Variants in PAK1 observed in about 807,000 individuals in gnomAD.
PAK1 encodes the protein p21 (RAC1) activated kinase 1.
In PAK1, 29 loss-of-function variants were observed where a neutral mutation model predicts 67.4. The observed-to-expected ratio is 0.43, with a 90% CI of 0.32 to 0.59. The LOEUF is 0.59. Ranked by LOEUF, PAK1 falls within the 20% of genes least tolerant of loss-of-function variation. PAK1 has a pLI of 0.07. For missense variants in PAK1, 337 were observed against 670.7 expected (o/e 0.50, Z 5.50); for synonymous variants, 223 against 237.4 (o/e 0.94, Z 0.56).
At chr11:77,478,731 G>A (rs1040337794), upstream of PAK1, among the ~76,000 whole-genome samples, 3 of 151,676 alleles carry the variant, frequency 2.0e-5, no homozygotes, top group African/African-American at 7.3e-5. Flanking sequence ...AGTGAGCTGA[G>A]ATCAGGCCAC....
chr11:77,410,868 T>G, intron 1 of PAK1, among the ~76,000 whole-genome samples: 1 of 151,936 alleles, frequency 6.6e-6, no homozygotes, highest in East Asian at 1.9e-4. Flanking sequence ...AGGAAAGAAT[T>G]ATAGTGATTA....
chr11:77,385,855 C>CA (rs888889360), intron 2 of PAK1, among the ~76,000 whole-genome samples: 104 of 144,894 alleles, frequency 7.2e-4, no homozygotes, highest in South Asian at 2.2e-3. Flanking sequence ...GTGACTGTCT[C>CA]AAAAAAAAAA....
rs536847127 is a variant in PAK1 at position 77,327,004 on chromosome 11, C to T, written c.1552-3644G>A. ...TGACGAATGCAGAAGCCTCAGGAGC[C>T]GATGCGATCAACTGGAAGAAAGGGT... On this transcript the variant is annotated intron_variant, in intron 14 of 14. Transcript: ENST00000356341. Among the ~76,000 whole-genome samples, 317 of 152,040 alleles carry T rather than the reference C, an allele frequency of 2.1e-3. 2 individuals are homozygous for T. The highest frequency in any genetic ancestry group is 7.0e-3 in the African/African-American group (290 of 41,436).
In PAK1 at chr11:77,325,083, C is replaced by A. The variant is rs541488596; in HGVS notation, c.1552-1723G>T. ...CATGGTTTTCAATATTTACAATGTA[C>A]ACCAACAAGTTAAAAAGCCAGCTTT... On this transcript the variant is annotated intron_variant, in intron 14 of 14. Coordinates refer to ENST00000356341, the MANE Select transcript of PAK1 (RefSeq NM_002576.5). Among the ~76,000 whole-genome samples the A allele has an allele frequency of 2.0e-5, 3 of 152,300 alleles. No homozygotes were observed. In the East Asian group the frequency reaches 5.8e-4, roughly 29 times the overall value.
At chr11:77,414,995 T>C (rs1418276848) in intron 1 of PAK1, among the ~76,000 whole-genome samples, 1 of 152,118 alleles carries the variant, frequency 6.6e-6, no homozygotes, top group Non-Finnish European at 1.5e-5. Flanking sequence ...AAAAGGCTTG[T>C]ATCAAAATAT....
chr11:77,447,776 T>C (rs1177590025), intron 1 of PAK1, among the ~76,000 whole-genome samples: 1 of 152,192 alleles, frequency 6.6e-6, no homozygotes, highest in Non-Finnish European at 1.5e-5. Context: ...TCCGCCCACC[T>C]CAGCCTCCCA....
At chr11:77,364,977 G>A (rs967727420) in intron 5 of PAK1, among the ~76,000 whole-genome samples, 4 of 152,056 alleles carry the variant, frequency 2.6e-5, no homozygotes, top group South Asian at 2.1e-4. Flanking sequence ...GGTGGGGAGC[G>A]GTGGCTCACA....
Position 77,336,281 on chromosome 11 carries a change from A to C in PAK1, c.1218T>G (p.Thr406=), listed in dbSNP as rs1942668326. The change falls in exon 13 of 15, where the codon ACT becomes ACG. Residue 406 remains threonine, a splice_region_variant and synonymous_variant. Coordinates refer to ENST00000356341, the MANE Select transcript of PAK1 (RefSeq NM_002576.5). ...TTATCTGTGCACAGAATCCAAAGTC[A>C]GCTAGAAAAGAAAAATAAGAGAAAG... ...LLGMDGSVKL[T]DFGFCAQITP... is the part of the protein sequence containing the mutation. 1.3e-6 allele frequency: 2 copies of C among 1,596,798 alleles called. No homozygotes were observed. Among genetic ancestry groups the C allele is most frequent in the Non-Finnish European group, 1.7e-6 (2 of 1,166,434 alleles).
At position 77,322,054 on chromosome 11, in the gene PAK1, T is replaced by C; in HGVS notation, c.*1220A>G. 4.7e-6 allele frequency: 1 copy of C among 212,266 alleles called. No homozygotes were observed. The highest frequency in any genetic ancestry group is 9.6e-6 in the Non-Finnish European group (1 of 104,510). 13.1% of individuals were successfully genotyped at this position (212,266 alleles called of 1,614,324 possible). ...CTCCTTTTATTGACAGAAATAGAAA[T>C]TTGTGCTGCAGAGGCAGTAGTACCT... On this transcript the variant is annotated 3_prime_UTR_variant, in exon 15 of 15. Coordinates refer to ENST00000356341, the MANE Select transcript of PAK1 (RefSeq NM_002576.5).
rs1338197094 is a variant in PAK1, at chr11:77,347,013, C to G, written c.885+2226G>C. 6.6e-6 allele frequency: 3 copies of G among 456,228 alleles called. No individual in the cohort carries two copies. The East Asian group carries it at 2.1e-4, about 32-fold the overall frequency. 28.3% of individuals were successfully genotyped at this position (456,228 alleles called of 1,614,324 possible). ...AGGTCTGCCCTTCTCAGCTGGATAA[C>G]CCCCAATAAGCAAGAACTCACAAAG... is the stretch of plus-strand genomic sequence containing the variant. On this transcript the variant is annotated intron_variant, in intron 9 of 14. Transcript: ENST00000356341.
the PAK1 span, among the ~76,000 whole-genome samples, chr11:77,482,843 G>A: frequency 4.6e-5 from 7 of 151,832 alleles, no homozygotes; most frequent in Non-Finnish European, 7.4e-5. Context: ...AGGCACAAGC[G>A]ATCCTCCCGA....
chr11:77,505,240 C>T, the PAK1 span, among the ~76,000 whole-genome samples: 12 of 151,254 alleles, frequency 7.9e-5, no homozygotes, highest in South Asian at 2.1e-4. Context: ...CAGGCTGGAG[C>T]GCAGTGGTGC....
At chr11:77,353,488 A>G in intron 8 of PAK1, 48 bp downstream of exon 8, 1 of 1,363,916 alleles carries the variant, frequency 7.3e-7, no homozygotes. Context: ...ATGCCGGCAC[A>G]CACACTTTAA....
the PAK1 span, among the ~76,000 whole-genome samples, chr11:77,515,807 G>C: frequency 6.6e-6 from 1 of 152,210 alleles, no homozygotes; most frequent in Non-Finnish European, 1.5e-5. Context: ...ATGTTCAGGA[G>C]TATCAGGTTG....
intron 8 of PAK1, among the ~76,000 whole-genome samples, chr11:77,351,527 C>T (rs1486950351): frequency 6.6e-6 from 1 of 152,024 alleles, no homozygotes; most frequent in African/African-American, 2.4e-5. Context: ...TAATTTTTTT[C>T]TCAAGGTGTT....
chr11:77,419,592 G>A (rs929621518), intron 1 of PAK1, among the ~76,000 whole-genome samples: 1 of 152,170 alleles, frequency 6.6e-6, no homozygotes, highest in African/African-American at 2.4e-5. Context: ...GCTTATAACT[G>A]ATGACTAGTG....
chr11:77,452,206 A>G (rs1209981301), intron 1 of PAK1, among the ~76,000 whole-genome samples: 2 of 152,220 alleles, frequency 1.3e-5, no homozygotes, highest in African/African-American at 4.8e-5. Context: ...GCTGTGAGGC[A>G]GAGTATCAAC....
intron 1 of PAK1, among the ~76,000 whole-genome samples, chr11:77,453,216 G>A (rs1204375677): frequency 6.6e-6 from 1 of 152,118 alleles, no homozygotes; most frequent in Admixed American, 6.5e-5. Flanking sequence ...TTAGCCAGGT[G>A]TATGGCGCAC....
At chr11:77,458,211 T>A (rs1340620296) in intron 1 of PAK1, among the ~76,000 whole-genome samples, 1 of 152,240 alleles carries the variant, frequency 6.6e-6, no homozygotes, top group African/African-American at 2.4e-5. Context: ...ACAAACATTT[T>A]AAAATGTTTA....
Sources: allele counts gnomAD v4.1 joint callset (sites outside exome capture counted in the v4.1 genomes callset), GRCh38; gene constraint gnomAD v4.1.1; transcripts MANE v1.5; gene names NCBI Gene and HGNC (gene_info 2026-07-23, HGNC 2026-07-21).